PVT1: variants seen among roughly 807,000 people sequenced by gnomAD.
PVT1 encodes Pvt1 oncogene.
At chr8:127,844,058 C>G (rs942005006) in intron 2 of PVT1, among the ~76,000 whole-genome samples, 3 of 151,976 alleles carry the variant, frequency 2.0e-5, no homozygotes, top group African/African-American at 7.3e-5. Context: ...TCTCGGCTCA[C>G]TGCAAGCTCT....
chr8:127,907,507 A>T (rs575421645), intron 3 of PVT1, among the ~76,000 whole-genome samples: 2 of 152,070 alleles, frequency 1.3e-5, no homozygotes, highest in Non-Finnish European at 2.9e-5. Context: ...GCTGGCCAGC[A>T]CTCCGGAGGA....
chr8:127,860,195 G>C (rs1815205720), intron 2 of PVT1, among the ~76,000 whole-genome samples: 1 of 152,192 alleles, frequency 6.6e-6, no homozygotes, highest in African/African-American at 2.4e-5. Flanking sequence ...GCAGGTCCTG[G>C]TGGCGGAGGT....
At chr8:127,930,391 T>C (rs776167607) in intron 3 of PVT1, among the ~76,000 whole-genome samples, 51 of 152,184 alleles carry the variant, frequency 3.4e-4, no homozygotes, top group Non-Finnish European at 6.2e-4. Context: ...ACTCCTGACC[T>C]CAGGTGATCC....
chr8:127,987,501 A>G (rs1207278070), intron 3 of PVT1, among the ~76,000 whole-genome samples: 1 of 152,232 alleles, frequency 6.6e-6, no homozygotes, highest in Non-Finnish European at 1.5e-5. Context: ...GGAGAGGAAG[A>G]AGTTAAGTCT....
chr8:128,080,908 A>C (rs1323240833), intron 5 of PVT1, among the ~76,000 whole-genome samples: 1 of 152,180 alleles, frequency 6.6e-6, no homozygotes, highest in African/African-American at 2.4e-5. Context: ...ATCTATATTT[A>C]GATTCTTTTT....
intron 3 of PVT1, among the ~76,000 whole-genome samples, chr8:127,979,151 G>A (rs1816856291): frequency 6.6e-6 from 1 of 152,112 alleles, no homozygotes; most frequent in Non-Finnish European, 1.5e-5. Flanking sequence ...TTGTCCATCT[G>A]GTCATCATCT....
rs573605814 is a variant in PVT1 at position 128,043,127 on chromosome 8, G to C, written n.913-27033G>C. Among the ~76,000 whole-genome samples, 3 of 152,266 alleles carry C rather than the reference G, an allele frequency of 2.0e-5. No homozygotes were observed. In the East Asian group the frequency reaches 5.8e-4, roughly 29 times the overall value. ...TGGGAGGGTGCCTTCCCTAAATAAAGGGGCCAGCCCTCCATTAGCATCCAC... is the reference window on the plus strand; with the variant it reads ...TGGGAGGGTGCCTTCCCTAAATAAACGGGCCAGCCCTCCATTAGCATCCAC... On this transcript the variant is annotated intron_variant and non_coding_transcript_variant, in intron 4 of 10. Coordinates refer to ENST00000651587, the Ensembl canonical transcript of PVT1.
At chr8:128,087,747 C>CTTTTTTTTTTTTTTTTTTTTTTT (rs71568675) in intron 5 of PVT1, among the ~76,000 whole-genome samples, 7 of 76,586 alleles carry the variant, frequency 9.1e-5, no homozygotes, top group African/African-American at 3.4e-4. Flanking sequence ...TGATGTGCTA[C>CTTTTTTTTTTTTTTTTTTTTTTT]TTTTTTTTTT....
intron 2 of PVT1, among the ~76,000 whole-genome samples, chr8:127,812,837 G>C (rs1049804119): frequency 8.5e-5 from 13 of 152,094 alleles, no homozygotes; most frequent in Non-Finnish European, 1.3e-4. Flanking sequence ...TAAGTCTCTG[G>C]CTGGGAATTA....
At chr8:127,880,011 T>G (rs1176029405) in intron 2 of PVT1, among the ~76,000 whole-genome samples, 1 of 152,232 alleles carries the variant, frequency 6.6e-6, no homozygotes, top group Admixed American at 6.5e-5. Flanking sequence ...AGGTTTCTTG[T>G]GTGCTGACGT....
intron 4 of PVT1, among the ~76,000 whole-genome samples, chr8:128,051,864 C>G (rs1813702245): frequency 6.6e-6 from 1 of 152,034 alleles, no homozygotes; most frequent in Non-Finnish European, 1.5e-5. Flanking sequence ...TGTTTATGTT[C>G]TCTTTAAGTT....
chr8:127,916,041 G>A (rs1214728820), intron 3 of PVT1, among the ~76,000 whole-genome samples: 1 of 152,246 alleles, frequency 6.6e-6, no homozygotes, highest in South Asian at 2.1e-4. Flanking sequence ...CTTACAGGGG[G>A]GCAAATATTT....
chr8:127,978,640 C>A (rs1241650740), intron 3 of PVT1, among the ~76,000 whole-genome samples: 1 of 152,090 alleles, frequency 6.6e-6, no homozygotes, highest in African/African-American at 2.4e-5. Flanking sequence ...CGTGCCACCA[C>A]ACCTGGCTAA....
intron 2 of PVT1, among the ~76,000 whole-genome samples, chr8:127,805,494 C>T (rs965165684): frequency 2.0e-5 from 3 of 152,082 alleles, no homozygotes; most frequent in Non-Finnish European, 2.9e-5. Context: ...TGGTGAGGCA[C>T]GTGATGTTTT....
chr8:128,011,368 T>G (rs1045362131), intron 4 of PVT1, among the ~76,000 whole-genome samples: 1 of 152,140 alleles, frequency 6.6e-6, no homozygotes. Flanking sequence ...TGGGAGATAA[T>G]TCAGGTTAAA....
intron 3 of PVT1, among the ~76,000 whole-genome samples, chr8:127,938,592 A>G (rs1472659620): frequency 6.6e-6 from 1 of 152,220 alleles, no homozygotes; most frequent in Non-Finnish European, 1.5e-5. Context: ...TCCCTTTGGG[A>G]TTCTAACTTT....
intron 2 of PVT1, among the ~76,000 whole-genome samples, chr8:127,825,327 T>A (rs1190927686): frequency 6.6e-6 from 1 of 152,178 alleles, no homozygotes; most frequent in Non-Finnish European, 1.5e-5. Flanking sequence ...CCCATTTGGT[T>A]ACACCAAGTT....
At chr8:128,093,871 C>T (rs979397733) in intron 5 of PVT1, among the ~76,000 whole-genome samples, 1 of 152,098 alleles carries the variant, frequency 6.6e-6, no homozygotes, top group African/African-American at 2.4e-5. Context: ...CTCCTGACCT[C>T]GTGATCTGCC....
intron 5 of PVT1, among the ~76,000 whole-genome samples, chr8:128,088,447 A>T (rs975896745): frequency 1.3e-5 from 2 of 151,972 alleles, no homozygotes; most frequent in Admixed American, 6.5e-5. Context: ...ATGTTGGGGC[A>T]GGGGTTGGGG....
Sources: gnomAD v4.1 joint callset for allele counts (sites outside exome capture counted in the v4.1 genomes callset) on GRCh38, gnomAD v4.1.1 for gene constraint, MANE v1.5 for transcripts, NCBI Gene and HGNC (gene_info 2026-07-23, HGNC 2026-07-21) for gene names.